ABCA8: variants seen among roughly 807,000 people sequenced by gnomAD.
ABCA8 encodes the protein ABC-type organic anion transporter ABCA8.
Under a neutral mutation model 192.3 loss-of-function variants are expected in ABCA8, and 177 were observed. The observed-to-expected ratio is 0.92, with a 90% confidence interval of 0.81 to 1.04. ABCA8 has a LOEUF of 1.04. ABCA8 is among the 50% of genes least tolerant of loss of function. The probability of loss-of-function intolerance (pLI) is 0.00; values close to 1 mark genes in which losing one functional copy is unlikely to be tolerated. For synonymous variants in ABCA8, 642 were observed against 690.2 expected, an observed-to-expected ratio of 0.93 and a Z score of 1.09; for missense variants, 1,915 against 1,904.8, an observed-to-expected ratio of 1.01 and a Z score of -0.10.
Position 68,868,167 on chromosome 17 carries a change from G to C in ABCA8, c.4784C>G (p.Ser1595Cys). The C allele has an allele frequency of 6.2e-7, 1 of 1,613,030 alleles. No homozygotes were observed. Among genetic ancestry groups the C allele is most frequent in the South Asian group, 1.1e-5 (1 of 90,966 alleles). The change falls in exon 40 of 40, where the codon TCC (serine) becomes TGC (cysteine). Residue 1595 changes from serine to cysteine, a missense_variant. Physicochemically the swap from Ser to Cys is moderately radical, Grantham distance 112 (BLOSUM62 -1). Transcript: ENST00000586539. ...AAAATCACCCAGCTCCTGCTCCTTG[G>C]AGAGCTCCAGGAAAACCTGAAAGGG... ...STLEQVFLEL[S>C]KEQELGDFEE...
At chr17:68,876,407 C>T (rs188447680) in intron 35 of ABCA8, 53 bp downstream of exon 35, 3 of 1,610,090 alleles carry the variant, frequency 1.9e-6, no homozygotes, top group South Asian at 2.2e-5. Flanking sequence ...AAATGGTTCA[C>T]AGGCTCCATG....
chr17:68,936,752 T>C lies in ABCA8; in HGVS notation c.466+199A>G, dbSNP rs560554455. Among the ~76,000 whole-genome samples the C allele has an allele frequency of 1.8e-4, 28 of 152,206 alleles. No homozygotes were observed. In the South Asian group the frequency reaches 5.8e-3, roughly 32 times the overall value. ...AAATATATATCTATGTAAATGTATG[T>C]AGATAACTATATATAATGACCACTT... On this transcript the variant is annotated intron_variant, in intron 5 of 39. Transcript: ENST00000586539.
Position 68,924,699 on chromosome 17 carries a change from A to G in ABCA8, c.1442+2T>C, listed in dbSNP as rs1402640851. The G allele has an allele frequency of 3.7e-6, 6 of 1,612,146 alleles. No homozygotes were observed. Among genetic ancestry groups the G allele is most frequent in the Non-Finnish European group, 5.1e-6 (6 of 1,179,366 alleles). On this transcript the variant is annotated splice_donor_variant, in intron 11 of 39. Transcript: ENST00000586539. LOFTEE classifies it high-confidence loss of function. ...CCTGTTCTCCACCTGCAGCCTTATT[A>G]CCTGATGGCTTCTTTCCCTTGGAAT...
At chr17:68,886,844 T>C (rs561229411) in intron 26 of ABCA8, 173 bp downstream of exon 26, 2 of 372,106 alleles carry the variant, frequency 5.4e-6, no homozygotes, top group Non-Finnish European at 9.5e-6. Flanking sequence ...TAATTCTTAT[T>C]AGGGACTTTG....
Position 68,941,927 on chromosome 17 carries a change from A to G in ABCA8, c.96+12T>C. 6.4e-7 allele frequency: 1 copy of G among 1,556,760 alleles called. No homozygotes were observed. The highest frequency in any genetic ancestry group is 8.8e-7 in the Non-Finnish European group (1 of 1,130,624). ...ATCATAAATAGAGAATAACACGGAT[A>G]TTGAGTCATACCATTAAGGACTCTC... is the stretch of plus-strand genomic sequence containing the variant. On this transcript the variant is annotated intron_variant, in intron 3 of 39. Coordinates refer to ENST00000586539, the MANE Select transcript of ABCA8 (RefSeq NM_001288985.2).
rs1555614309 is a variant in ABCA8, at chr17:68,922,184, T to TTC, written c.1501+56_1501+57dup. On this transcript the variant is annotated intron_variant, in intron 12 of 39. Transcript: ENST00000586539. ...AATACTAATATAACAAATATTTTCT[T>TTC]TCTCTCTCTCTTTTTTTTTTTTTTT... is the stretch of plus-strand genomic sequence containing the variant. 6.7e-3 allele frequency: 5,882 copies of TTC among 874,050 alleles called. 69 individuals carry two copies. The highest frequency in any genetic ancestry group is 8.9e-3 in the Middle Eastern group (21 of 2,354). 54.1% of individuals were successfully genotyped at this position (874,050 alleles called of 1,614,324 possible). A position where few individuals can be genotyped will look rare whatever the true frequency, so the allele number is the denominator to read the frequency against.
At position 68,875,296 on chromosome 17, in the gene ABCA8, A is replaced by G; in HGVS notation, c.4595T>C (p.Ile1532Thr). The G allele has an allele frequency of 6.2e-7, 1 of 1,614,022 alleles. No individual in the cohort carries two copies. The highest frequency in any genetic ancestry group is 2.2e-5 in the East Asian group (1 of 44,880). The change falls in exon 37 of 40, where the codon ATC becomes ACC. Residue 1532 changes from isoleucine (I) to threonine (T), a missense_variant. By Grantham distance (89) the Ile-to-Thr change is moderately conservative. Transcript: ENST00000586539. ...LAQVEPLHAE[I>T]LRLFPQAARQ... Reference sequence around the variant, plus strand: ...AGCAGCCTGGGGGAAAAGCCTCAGGATCTCTGCATGGAGGGGCTCCACTTG... The same window carrying G: ...AGCAGCCTGGGGGAAAAGCCTCAGGGTCTCTGCATGGAGGGGCTCCACTTG...
intron 9 of ABCA8, among the ~76,000 whole-genome samples, chr17:68,928,606 CACATAA>C (rs1315874521): frequency 6.6e-6 from 1 of 152,214 alleles, no homozygotes; most frequent in African/African-American, 2.4e-5. Context: ...CAATAAGAAT[CACATAA>C]ACAGAAAAGA....
Position 68,894,950 on chromosome 17 carries a change from G to A in ABCA8, c.2828C>T (p.Ala943Val). 6.2e-7 allele frequency: 1 copy of A among 1,613,578 alleles called. No homozygotes were observed. The highest frequency in any genetic ancestry group is 8.5e-7 in the Non-Finnish European group (1 of 1,179,768). The change falls in exon 22 of 40, where the codon GCA (alanine) becomes GTA (valine). Residue 943 changes from alanine (A) to valine (V), a missense_variant. By Grantham distance (64) the Ala-to-Val change is moderately conservative. Transcript: ENST00000586539. The part of the protein sequence containing the change: ...EHQNIALEVD[A>V]FGTRNGTDDP... ...ATCTGTGCCATTTCTAGTTCCAAAT[G>A]CATCCACTTCTAAAGCTATGTTCTG...
At chr17:68,929,257 T>C in intron 8 of ABCA8, 23 bp from the exon 9 acceptor site, 1 of 1,548,078 alleles carries the variant, frequency 6.5e-7, no homozygotes, top group South Asian at 1.3e-5. Context: ...AAGATCTAGT[T>C]GGTTTATGTT....
chr17:68,932,563 G>A (rs1271110012), intron 6 of ABCA8, 49 bp from the exon 7 acceptor site: 7 of 1,332,954 alleles, frequency 5.3e-6, no homozygotes, highest in Non-Finnish European at 7.5e-6. Context: ...TGAACAGCAT[G>A]CAGTTTTCTT....
intron 17 of ABCA8, among the ~76,000 whole-genome samples, chr17:68,914,188 T>C (rs1427656923): frequency 6.6e-6 from 1 of 152,100 alleles, no homozygotes; most frequent in Non-Finnish European, 1.5e-5. Context: ...AACCTACAGA[T>C]AGTATCATAC....
At chr17:68,877,369 C>T in intron 33 of ABCA8, 150 bp downstream of exon 33, 1 of 644,182 alleles carries the variant, frequency 1.6e-6, no homozygotes. Flanking sequence ...ACTTTGATAT[C>T]CAGGAAAGGA....
chr17:68,903,539 G>C, intron 19 of ABCA8, 40 bp from the exon 20 acceptor site: 3 of 1,589,946 alleles, frequency 1.9e-6, no homozygotes, highest in Non-Finnish European at 2.6e-6. Context: ...GTACTTTATT[G>C]AGCTTACTAT....
intron 1 of ABCA8, among the ~76,000 whole-genome samples, chr17:68,951,219 G>A (rs1310667974): frequency 3.3e-5 from 5 of 152,214 alleles, no homozygotes; most frequent in African/African-American, 1.2e-4. Flanking sequence ...TGTGGCAATA[G>A]ACCATACATA....
At position 68,941,946 on chromosome 17, in the gene ABCA8, GACTCT is replaced by G. The variant is rs764729771; in HGVS notation, c.84_88del (p.Arg28SerfsTer21). ...ACGGATATTGAGTCATACCATTAAG[GACTCT>G]CTTTTCATTCTCCATTTTTTAAGAA... On this transcript the variant is annotated frameshift_variant, in exon 3 of 40. Coordinates refer to ENST00000586539, the MANE Select transcript of ABCA8 (RefSeq NM_001288985.2). LOFTEE classifies it high-confidence loss of function. 1 of 1,603,490 alleles carries G rather than the reference GACTCT, an allele frequency of 6.2e-7. No individual in the cohort carries two copies. Among genetic ancestry groups the G allele is most frequent in the Non-Finnish European group, 8.5e-7 (1 of 1,170,972 alleles).
chr17:68,904,489 C>T (rs2067010115), intron 19 of ABCA8, among the ~76,000 whole-genome samples: 1 of 151,978 alleles, frequency 6.6e-6, no homozygotes, highest in East Asian at 1.9e-4. Flanking sequence ...GGAAACATTT[C>T]TAGGGGGAGA....
chr17:68,885,257 A>T lies in ABCA8; in HGVS notation c.3488T>A (p.Phe1163Tyr). The T allele has an allele frequency of 6.2e-7, 1 of 1,613,452 alleles. No homozygotes were observed. Among genetic ancestry groups the T allele is most frequent in the Non-Finnish European group, 8.5e-7 (1 of 1,179,620 alleles). ...AFSIFESDIPFIFTFLIPPAT... is the reference protein window; with the variant it reads ...AFSIFESDIPYIFTFLIPPAT... Reference sequence around the variant, plus strand: ...AGGTGGTATTAAAAAAGTGAAGATAAATGGAATATCACTTTCGAAGATACT... The same window carrying T: ...AGGTGGTATTAAAAAAGTGAAGATATATGGAATATCACTTTCGAAGATACT... Residue 1163 changes from phenylalanine (F) to tyrosine (Y), a missense_variant, in exon 27 of 40, where the codon TTT becomes TAT. Physicochemically the swap from Phe to Tyr is conservative, Grantham distance 22 (BLOSUM62 3). Transcript: ENST00000586539.
At chr17:68,876,226 G>A (rs2066201083) in intron 35 of ABCA8, 1 of 583,102 alleles carries the variant, frequency 1.7e-6, no homozygotes, top group Non-Finnish European at 3.0e-6. Context: ...TGAAACTCAA[G>A]AGTGAGACCT....
Sources: allele counts gnomAD v4.1 joint callset (sites outside exome capture counted in the v4.1 genomes callset), GRCh38; gene constraint gnomAD v4.1.1; transcripts MANE v1.5; gene names NCBI Gene and HGNC (gene_info 2026-07-23, HGNC 2026-07-21).